Variants in KLF7 observed in about 807,000 individuals in gnomAD.
KLF7 encodes Krueppel-like factor 7.
A neutral mutation model predicts 27.3 loss-of-function variants in KLF7; 2 were observed. That is an observed-to-expected ratio of 0.07 (90% confidence interval 0.03 to 0.23). The LOEUF is 0.23. Ranked by LOEUF, KLF7 falls within the 10% of genes least tolerant of loss-of-function variation. KLF7 has a pLI of 1.00. For missense variants in KLF7, 221 were observed against 394.1 expected, an observed-to-expected ratio of 0.56 and a Z score of 3.72; for synonymous variants, 165 against 162.4, an observed-to-expected ratio of 1.02 and a Z score of -0.12.
chr2:207,093,774 A>G (rs1196963674), intron 2 of KLF7, among the ~76,000 whole-genome samples: 1 of 152,232 alleles, frequency 6.6e-6, no homozygotes, highest in Non-Finnish European at 1.5e-5. Flanking sequence ...ATACACCTAG[A>G]GGGGCAGAAC....
chr2:207,152,714 G>A (rs1457386308), intron 1 of KLF7, among the ~76,000 whole-genome samples: 1 of 152,134 alleles, frequency 6.6e-6, no homozygotes, highest in Non-Finnish European at 1.5e-5. Context: ...AATCTAAAAG[G>A]AAATGAAAAT....
rs1171568051 is a variant in KLF7, at chr2:207,080,185, C to T, written c.*1028G>A. On this transcript the variant is annotated 3_prime_UTR_variant, in exon 4 of 4. Coordinates refer to ENST00000309446, the MANE Select transcript of KLF7 (RefSeq NM_003709.4). ...TGATGTCCCATCTGACTGGCTGCTT[C>T]GAGAGCTGGACATCCAGGTGCCGAG... The T allele has an allele frequency of 6.6e-6, 1 of 152,178 alleles. No individual in the cohort carries two copies. Among genetic ancestry groups the T allele is most frequent in the Non-Finnish European group, 1.5e-5 (1 of 68,048 alleles). The allele number at this position is 152,178 out of a possible 1,614,324, so 9.4% of individuals were successfully genotyped here. A position where few individuals can be genotyped will look rare whatever the true frequency, so the allele number is the denominator to read the frequency against.
intron 2 of KLF7, among the ~76,000 whole-genome samples, chr2:207,102,010 C>T (rs746793479): frequency 6.6e-6 from 1 of 151,980 alleles, no homozygotes; most frequent in Non-Finnish European, 1.5e-5. Context: ...CATCTCCATA[C>T]CTTCCTTTAA....
Position 207,074,590 on chromosome 2 carries a change from CCT to C in KLF7, c.*6621_*6622del, listed in dbSNP as rs2076146108. 1 of 152,154 alleles carries C rather than the reference CCT, an allele frequency of 6.6e-6. No individual in the cohort carries two copies. The highest frequency in any genetic ancestry group is 1.5e-5 in the Non-Finnish European group (1 of 68,070). 9.4% of individuals were successfully genotyped at this position (152,154 alleles called of 1,614,324 possible). Reference sequence around the variant, plus strand: ...CATTTCCTCCCCACTCCAACCACCTCCTGTCATTTTACTGCCCCCTACCCCTC... The same window carrying C: ...CATTTCCTCCCCACTCCAACCACCTCGTCATTTTACTGCCCCCTACCCCTC... On this transcript the variant is annotated 3_prime_UTR_variant, in exon 4 of 4. Coordinates refer to ENST00000309446, the MANE Select transcript of KLF7 (RefSeq NM_003709.4).
intron 2 of KLF7, among the ~76,000 whole-genome samples, chr2:207,118,705 T>C (rs1239334610): frequency 6.6e-6 from 1 of 152,190 alleles, no homozygotes; most frequent in Admixed American, 6.5e-5. Context: ...TGTCATTGGG[T>C]TAGTATAAGG....
chr2:207,136,106 C>T (rs2106038103), intron 1 of KLF7, among the ~76,000 whole-genome samples: 1 of 152,270 alleles, frequency 6.6e-6, no homozygotes, highest in East Asian at 1.9e-4. Context: ...AGGTTCAGCG[C>T]CTGCCTTTCC....
chr2:207,149,072 G>A lies in KLF7; in HGVS notation c.102+16395C>T, dbSNP rs138915704. The A allele has an allele frequency of 7.7e-4, 936 of 1,215,226 alleles. 8 individuals carry two copies. The African/African-American group carries it at 0.014, about 18-fold the overall frequency. 75.3% of individuals were successfully genotyped at this position (1,215,226 alleles called of 1,614,324 possible). Reference sequence around the variant, plus strand: ...CAACTCTGTGTTCCACCTAAAGGATGCAGTTTCCATCAGCTCTTAGGGACT... The same window carrying A: ...CAACTCTGTGTTCCACCTAAAGGATACAGTTTCCATCAGCTCTTAGGGACT... On this transcript the variant is annotated intron_variant, in intron 1 of 3. Coordinates refer to ENST00000309446, the MANE Select transcript of KLF7 (RefSeq NM_003709.4).
intron 1 of KLF7, among the ~76,000 whole-genome samples, chr2:207,143,132 C>CA (rs1477138730): frequency 5.9e-5 from 9 of 151,882 alleles, no homozygotes; most frequent in African/African-American, 1.9e-4. Flanking sequence ...AAAATGAGGA[C>CA]AAAACCCAAA....
intron 1 of KLF7, among the ~76,000 whole-genome samples, chr2:207,159,880 C>T (rs1225016978): frequency 6.6e-6 from 1 of 152,022 alleles, no homozygotes; most frequent in Admixed American, 6.6e-5. Flanking sequence ...CCAAATACCC[C>T]GAGAAGGAAA....
intron 1 of KLF7, among the ~76,000 whole-genome samples, chr2:207,147,193 A>G (rs1388499722): frequency 6.6e-6 from 1 of 152,200 alleles, no homozygotes; most frequent in Non-Finnish European, 1.5e-5. Context: ...AGTGGTCCAA[A>G]TTATTGGTCC....
At chr2:207,112,797 G>A (rs887346628) in intron 2 of KLF7, among the ~76,000 whole-genome samples, 4 of 152,166 alleles carry the variant, frequency 2.6e-5, no homozygotes, top group African/African-American at 9.7e-5. Flanking sequence ...AATATATAAA[G>A]TAATTACCTT....
At chr2:207,085,847 T>C (rs1167378056) in intron 3 of KLF7, among the ~76,000 whole-genome samples, 1 of 152,130 alleles carries the variant, frequency 6.6e-6, no homozygotes, top group African/African-American at 2.4e-5. Flanking sequence ...CTATGGCAAA[T>C]GGGTAATGAT....
intron 2 of KLF7, among the ~76,000 whole-genome samples, chr2:207,111,225 G>A (rs2105938054): frequency 6.6e-6 from 1 of 152,284 alleles, no homozygotes; most frequent in South Asian, 2.1e-4. Flanking sequence ...TTGACAGGAT[G>A]TCCCGATACC....
chr2:207,100,819 A>G (rs1322067537), intron 2 of KLF7, among the ~76,000 whole-genome samples: 1 of 152,238 alleles, frequency 6.6e-6, no homozygotes, highest in African/African-American at 2.4e-5. Context: ...ACATTAAATG[A>G]AAAGTGCTTT....
At chr2:207,120,068 C>T (rs2077296687) in intron 2 of KLF7, among the ~76,000 whole-genome samples, 3 of 152,296 alleles carry the variant, frequency 2.0e-5, no homozygotes, top group African/African-American at 4.8e-5. Flanking sequence ...CCATTCCTCG[C>T]CTCGTTATCC....
At chr2:207,141,752 A>AT (rs2077948648) in intron 1 of KLF7, among the ~76,000 whole-genome samples, 1 of 152,194 alleles carries the variant, frequency 6.6e-6, no homozygotes, top group African/African-American at 2.4e-5. Flanking sequence ...TTCAAATGAA[A>AT]GCAGAGGCAA....
chr2:207,144,164 GGGA>G (rs201639006), intron 1 of KLF7, among the ~76,000 whole-genome samples: 50,203 of 129,866 alleles, frequency 0.39, 9,408 homozygotes, highest in East Asian at 0.52. Context: ...CACAGCGGGG[GGGA>G]GAAAAAAAAA....
intron 1 of KLF7, among the ~76,000 whole-genome samples, chr2:207,161,982 G>A (rs1464331797): frequency 1.3e-5 from 2 of 151,924 alleles, no homozygotes; most frequent in Non-Finnish European, 2.9e-5. Context: ...GCAAACATGC[G>A]ATGCTCCTCA....
chr2:207,079,878 C>A lies in KLF7; in HGVS notation c.*1335G>T, dbSNP rs1007023577. 8.5e-5 allele frequency: 13 copies of A among 152,246 alleles called. No individual in the cohort carries two copies. Among genetic ancestry groups the A allele is most frequent in the Non-Finnish European group, 1.8e-4 (12 of 68,018 alleles). The allele number at this position is 152,246 out of a possible 1,614,324, so 9.4% of individuals were successfully genotyped here. On this transcript the variant is annotated 3_prime_UTR_variant, in exon 4 of 4. Coordinates refer to ENST00000309446, the MANE Select transcript of KLF7 (RefSeq NM_003709.4). ...GCGTTTTAAATTGTGTATTGTAACA[C>A]GTAGGGGAATAGGAGCTCAGTGGGC...
Sources: gnomAD v4.1 joint callset for allele counts (sites outside exome capture counted in the v4.1 genomes callset) on GRCh38, gnomAD v4.1.1 for gene constraint, MANE v1.5 for transcripts, NCBI Gene and HGNC (gene_info 2026-07-23, HGNC 2026-07-21) for gene names.